The following TARDBP variants were observed in gnomAD, a reference collection of about 807,000 sequenced individuals.
TARDBP encodes TAR DNA binding protein, also known as TAR DNA-binding protein 43.
Under a neutral mutation model 38.3 loss-of-function variants are expected in TARDBP, and 4 were observed. The ratio of observed to expected loss-of-function variants is 0.10; its 90% CI spans 0.05 to 0.24. The LOEUF is 0.24. TARDBP is among the 10% of genes least tolerant of loss of function. The probability of loss-of-function intolerance (pLI) is 1.00; values close to 1 mark genes in which losing one functional copy is unlikely to be tolerated. For missense variants in TARDBP, 202 were observed against 521.9 expected (o/e 0.39, Z 5.97); for synonymous variants, 184 against 183.8 (o/e 1.00, Z -0.01).
intron 3 of TARDBP, chr1:11,018,419 G>C (rs1643572255): frequency 5.1e-6 from 2 of 391,320 alleles, no homozygotes; most frequent in South Asian, 4.4e-5. Context: ...GAACTCCTGT[G>C]CTCAAGCGAT....
At chr1:11,028,148 G>A (rs1643771831), downstream of TARDBP, among the ~76,000 whole-genome samples, 1 of 152,036 alleles carries the variant, frequency 6.6e-6, no homozygotes, top group South Asian at 2.1e-4. Flanking sequence ...CTTGAACCTG[G>A]GAGGCGGAGG....
downstream of TARDBP, among the ~76,000 whole-genome samples, chr1:11,029,321 T>C (rs1202939655): frequency 2.0e-5 from 3 of 150,768 alleles, no homozygotes; most frequent in Non-Finnish European, 3.0e-5. Flanking sequence ...TTTTAAATCA[T>C]TCTACAGAGG....
intron 2 of TARDBP, among the ~76,000 whole-genome samples, chr1:11,014,667 G>A (rs372161198): frequency 2.0e-5 from 3 of 152,116 alleles, no homozygotes; most frequent in East Asian, 3.8e-4. Flanking sequence ...GGCTAGGCAC[G>A]GTGACTCATG....
chr1:11,012,904 G>T (rs2100836217), intron 1 of TARDBP, among the ~76,000 whole-genome samples, 161 bp downstream of exon 1: 1 of 152,354 alleles, frequency 6.6e-6, no homozygotes, highest in African/African-American at 2.4e-5. Context: ...AGCGTCGTTA[G>T]GTCCTGGCAC....
At chr1:11,029,962 C>T (rs1643814302), downstream of TARDBP, 1 of 461,564 alleles carries the variant, frequency 2.2e-6, no homozygotes, top group Non-Finnish European at 3.8e-6. Flanking sequence ...GTTATAAGGT[C>T]AAAGAGAATC....
downstream of TARDBP, chr1:11,030,109 C>T (rs1643817348): frequency 8.5e-7 from 1 of 1,170,458 alleles, no homozygotes; most frequent in Non-Finnish European, 1.3e-6. Flanking sequence ...TAAAGCTCTC[C>T]TCACTGTCTC....
chr1:11,030,294 A>T, downstream of TARDBP: 5 of 1,391,132 alleles, frequency 3.6e-6, no homozygotes, highest in Non-Finnish European at 5.1e-6. Flanking sequence ...TGCATGTATA[A>T]GATGGTTGTC....
chr1:11,023,102 C>CA lies in TARDBP; in HGVS notation c.*449dup, dbSNP rs1643672608. On this transcript the variant is annotated 3_prime_UTR_variant, in exon 6 of 6. Transcript: ENST00000240185. Reference sequence around the variant, plus strand: ...ATCTCCTTTTAGGAGATCATGGTGTCACAGTGTTTGGTTCTTTTGTTTTGT... The same window carrying CA: ...ATCTCCTTTTAGGAGATCATGGTGTCAACAGTGTTTGGTTCTTTTGTTTTGT... 2.0e-6 allele frequency: 3 copies of CA among 1,522,348 alleles called. No individual in the cohort carries two copies. In the Admixed American group the frequency reaches 6.2e-5, roughly 31 times the overall value. The allele number at this position is 1,522,348 out of a possible 1,614,324, so 94.3% of individuals were successfully genotyped here.
rs543510816 is a variant in TARDBP at position 11,017,469 on chromosome 1, G to A, written c.402+462G>A. Among the ~76,000 whole-genome samples, 51 of 152,208 alleles carry A rather than the reference G, an allele frequency of 3.4e-4. 1 individual carries two copies. In the South Asian group the frequency reaches 8.9e-3, roughly 27 times the overall value. ...ACCTGCCTTGGCCTCCCAAAGTGCT[G>A]GGATTACAGGTGTGAGCCACCGCGC... is the stretch of plus-strand genomic sequence containing the variant. On this transcript the variant is annotated intron_variant, in intron 3 of 5. Transcript: ENST00000240185.
At chr1:11,030,411 A>G, downstream of TARDBP, 2 of 606,478 alleles carry the variant, frequency 3.3e-6, no homozygotes, top group South Asian at 4.0e-5. Flanking sequence ...AGGTCTCTGC[A>G]TTACCATGTT....
At chr1:11,027,797 G>T, downstream of TARDBP, 3 of 736,106 alleles carry the variant, frequency 4.1e-6, no homozygotes, top group South Asian at 4.0e-5. Context: ...AGGCAAGTGA[G>T]GCTATTTTAA....
intron 3 of TARDBP, among the ~76,000 whole-genome samples, chr1:11,017,529 C>T (rs1436341637): frequency 6.6e-6 from 1 of 152,036 alleles, no homozygotes; most frequent in African/African-American, 2.4e-5. Flanking sequence ...TGGCACTGTC[C>T]TTTCTGTTAC....
chr1:11,027,571 G>A (rs1406133743), downstream of TARDBP: 1 of 1,614,138 alleles, frequency 6.2e-7, no homozygotes, highest in Admixed American at 1.7e-5. Context: ...ATCAGGACTT[G>A]CCAAGGAAAA....
At chr1:11,027,238 C>G (rs1425985999), downstream of TARDBP, 1 of 1,614,192 alleles carries the variant, frequency 6.2e-7, no homozygotes, top group Non-Finnish European at 8.5e-7. Context: ...CATCCAGATG[C>G]AGTTCCAATG....
In TARDBP at chr1:11,024,133, A is replaced by G. The variant is rs995984427; in HGVS notation, c.*1479A>G. On this transcript the variant is annotated 3_prime_UTR_variant, in exon 6 of 6. Transcript: ENST00000240185. The stretch of plus-strand genomic sequence containing the variant: ...CCCTTTTGAGATGGAACTTTCATAA[A>G]GTTTCTTGGCAGTAGTTTATTTTGC... 1.3e-5 allele frequency: 2 copies of G among 152,592 alleles called. No homozygotes were observed. Among genetic ancestry groups the G allele is most frequent in the African/African-American group, 4.8e-5 (2 of 41,442 alleles). 9.5% of individuals were successfully genotyped at this position (152,592 alleles called of 1,614,324 possible).
At chr1:11,027,718 C>G (rs576419375), downstream of TARDBP, 48 of 1,486,762 alleles carry the variant, frequency 3.2e-5, no homozygotes, top group Non-Finnish European at 4.0e-5. Context: ...AAATTATGAC[C>G]GCCTTGAAGT....
chr1:11,026,545 CAA>C (rs1270400182), downstream of TARDBP: 3 of 181,066 alleles, frequency 1.7e-5, no homozygotes, highest in East Asian at 2.8e-4. Flanking sequence ...AGTTTAAAAA[CAA>C]AGAGCATGGA....
At chr1:11,015,778 CT>C (rs1557655745) in intron 2 of TARDBP, 1 of 152,474 alleles carries the variant, frequency 6.6e-6, no homozygotes, top group Non-Finnish European at 1.5e-5. Context: ...CAGTCTCACT[CT>C]GTCGCCCAGG....
intron 4 of TARDBP, chr1:11,019,321 A>G: frequency 3.2e-6 from 1 of 307,702 alleles, no homozygotes; most frequent in Non-Finnish European, 6.2e-6. Flanking sequence ...ACAGTCATGT[A>G]TCACATGGCA....
Sources: allele counts gnomAD v4.1 joint callset (sites outside exome capture counted in the v4.1 genomes callset), GRCh38; gene constraint gnomAD v4.1.1; transcripts MANE v1.5; gene names NCBI Gene and HGNC (gene_info 2026-07-23, HGNC 2026-07-21).